RYR3: variants seen among roughly 807,000 people sequenced by gnomAD.
RYR3 encodes the protein brain ryanodine receptor-calcium release channel.
In RYR3, 207 loss-of-function variants were observed where a neutral mutation model predicts 584.3. The ratio of observed to expected loss-of-function variants is 0.35; its 90% CI spans 0.32 to 0.40. RYR3 has a LOEUF of 0.40. RYR3 is among the 10% of genes least tolerant of loss of function. RYR3 has a pLI of 1.00. For missense variants in RYR3, 5,616 were observed against 6,089.2 expected, an observed-to-expected ratio of 0.92 and a Z score of 2.59; for synonymous variants, 2,416 against 2,248.5, an observed-to-expected ratio of 1.07 and a Z score of -2.11.
intron 41 of RYR3, among the ~76,000 whole-genome samples, chr15:33,700,138 G>A (rs1158167708): frequency 6.6e-6 from 1 of 152,194 alleles, no homozygotes; most frequent in Non-Finnish European, 1.5e-5. Flanking sequence ...TGGGATTGCA[G>A]GTATAGTCTG....
At chr15:33,416,804 A>C (rs1014065967) in intron 1 of RYR3, among the ~76,000 whole-genome samples, 1 of 152,198 alleles carries the variant, frequency 6.6e-6, no homozygotes, top group African/African-American at 2.4e-5. Flanking sequence ...ATCTTCTTGT[A>C]GGATTTTTAT....
chr15:33,501,163 A>G (rs2051951388), intron 2 of RYR3, among the ~76,000 whole-genome samples: 1 of 152,182 alleles, frequency 6.6e-6, no homozygotes, highest in Non-Finnish European at 1.5e-5. Flanking sequence ...CATTCAAACC[A>G]GTAATGAAAT....
chr15:33,671,500 A>G (rs1461885221), intron 38 of RYR3, among the ~76,000 whole-genome samples: 2 of 152,134 alleles, frequency 1.3e-5, no homozygotes, highest in East Asian at 3.9e-4. Context: ...ACTTTGTCAG[A>G]ATATCTCTGA....
chr15:33,848,871 T>C (rs1408391270), intron 94 of RYR3, among the ~76,000 whole-genome samples: 1 of 141,930 alleles, frequency 7.0e-6, no homozygotes, highest in Non-Finnish European at 1.5e-5. Flanking sequence ...AGTCTCCCTT[T>C]GTTGCCCAGG....
chr15:33,813,704 A>G, intron 74 of RYR3, 125 bp downstream of exon 74: 1 of 776,516 alleles, frequency 1.3e-6, no homozygotes, highest in Non-Finnish European at 2.2e-6. Flanking sequence ...CTATGGAGCT[A>G]TTGCAGTCTG....
chr15:33,728,584 C>T (rs2068658091), intron 46 of RYR3, among the ~76,000 whole-genome samples: 1 of 152,156 alleles, frequency 6.6e-6, no homozygotes, highest in African/African-American at 2.4e-5. Flanking sequence ...AATATTTGCG[C>T]TATACTTACC....
chr15:33,599,371 G>A (rs1393859307), intron 16 of RYR3, among the ~76,000 whole-genome samples: 1 of 152,150 alleles, frequency 6.6e-6, no homozygotes, highest in African/African-American at 2.4e-5. Flanking sequence ...AAATCCTGAC[G>A]ACACGTGCCT....
Position 33,722,861 on chromosome 15 carries a change from C to T in RYR3, c.6766C>T (p.Leu2256Phe). The T allele has an allele frequency of 6.3e-7, 1 of 1,596,362 alleles. No homozygotes were observed. The highest frequency in any genetic ancestry group is 8.5e-7 in the Non-Finnish European group (1 of 1,172,944). Reference protein sequence around the residue: ...GAIKISENPALDLPSQGYKRE... With the variant: ...GAIKISENPAFDLPSQGYKRE... ...CATTAAGATCTCTGAGAACCCAGCG[C>T]TCGACCTCCCCTCTCAAGGATACAA... The change falls in exon 44 of 104, where the codon CTC becomes TTC. Residue 2256 changes from leucine to phenylalanine, a missense_variant. This residue lies in a region of RYR3 where 1,280 missense variants were observed against 1,426.2 expected (regional missense o/e 0.90). Coordinates refer to ENST00000634891, the MANE Select transcript of RYR3 (RefSeq NM_001036.6).
At chr15:33,818,799 C>G (rs942345202) in intron 76 of RYR3, 115 bp downstream of exon 76, 2 of 717,204 alleles carry the variant, frequency 2.8e-6, no homozygotes, top group Non-Finnish European at 4.7e-6. Context: ...TTTGAGCAGC[C>G]CTCCTTGCTG....
rs752228470 is a variant in RYR3, at chr15:33,628,495, A to G, written c.2599A>G (p.Lys867Glu). The change falls in exon 21 of 104, where the codon AAG becomes GAG. Residue 867 changes from lysine to glutamate, a missense_variant. Transcript: ENST00000634891. ...SQVILPPHLEKIRDRLAENIH... is the reference protein window; with the variant it reads ...SQVILPPHLEEIRDRLAENIH... ...GGTTATTTTGCCACCTCACCTAGAAAAGATCCGAGACAGACTAGCTGAAAA... is the reference window on the plus strand; with the variant it reads ...GGTTATTTTGCCACCTCACCTAGAAGAGATCCGAGACAGACTAGCTGAAAA... 3.4e-5 allele frequency: 55 copies of G among 1,613,220 alleles called. No individual in the cohort carries two copies. In the Admixed American group the frequency reaches 7.0e-4, roughly 21 times the overall value.
At chr15:33,590,277 T>C (rs950195568) in intron 16 of RYR3, among the ~76,000 whole-genome samples, 2 of 152,334 alleles carry the variant, frequency 1.3e-5, no homozygotes, top group South Asian at 4.1e-4. Flanking sequence ...TCTGGACATA[T>C]ACGTGCAGGT....
Position 33,748,463 on chromosome 15 carries a change from C to T in RYR3, c.8137-5C>T. ...AACCCAGTGACTCTGCCTTTGCTTT[C>T]CTAGGGCAACAGCTACAGTCCTGCT... On this transcript the variant is annotated splice_region_variant and splice_polypyrimidine_tract_variant and intron_variant, in intron 54 of 103. Transcript: ENST00000634891. 2 of 1,613,050 alleles carry T rather than the reference C, an allele frequency of 1.2e-6. No homozygotes were observed. The highest frequency in any genetic ancestry group is 1.7e-6 in the Non-Finnish European group (2 of 1,179,534).
intron 85 of RYR3, 124 bp downstream of exon 85, chr15:33,827,411 T>C: frequency 2.5e-6 from 2 of 803,648 alleles, no homozygotes; most frequent in East Asian, 5.4e-5. Flanking sequence ...CGTTGTAACG[T>C]GTATCCACAG....
intron 58 of RYR3, 96 bp from the exon 59 acceptor site, chr15:33,756,208 TTA>T: frequency 1.2e-6 from 1 of 819,148 alleles, no homozygotes; most frequent in East Asian, 2.7e-5. Flanking sequence ...GATAGCCTTT[TTA>T]AATAGCCTTT....
chr15:33,432,699 TAAAG>T lies in RYR3; in HGVS notation c.52-40719_52-40716del, dbSNP rs1299263775. Among the ~76,000 whole-genome samples the T allele has an allele frequency of 1.0e-2, 1,501 of 150,350 alleles. 27 individuals carry two copies. The highest frequency in any genetic ancestry group is 0.035 in the African/African-American group (1,404 of 40,596). ...GTGTGTGTGTGTGTGTGTGTGTGTT[TAAAG>T]TAGAGATGGGGTTTCACTATGTTGG... On this transcript the variant is annotated intron_variant, in intron 1 of 103. Coordinates refer to ENST00000634891, the MANE Select transcript of RYR3 (RefSeq NM_001036.6).
chr15:33,646,198 A>G, intron 28 of RYR3, 153 bp from the exon 29 acceptor site: 1 of 613,314 alleles, frequency 1.6e-6, no homozygotes, highest in Non-Finnish European at 2.8e-6. Flanking sequence ...AGGCCCAAGT[A>G]ATGATGAGAA....
chr15:33,376,603 C>G (rs1358318817), intron 1 of RYR3, among the ~76,000 whole-genome samples: 3 of 152,208 alleles, frequency 2.0e-5, no homozygotes, highest in Non-Finnish European at 2.9e-5. Flanking sequence ...TGAAGAGACA[C>G]AGTTGCGACT....
chr15:33,790,776 A>G (rs1387588597), intron 67 of RYR3, among the ~76,000 whole-genome samples: 1 of 152,204 alleles, frequency 6.6e-6, no homozygotes, highest in Non-Finnish European at 1.5e-5. Context: ...GAGACAGAAG[A>G]GTTCCTCAGT....
intron 3 of RYR3, among the ~76,000 whole-genome samples, chr15:33,525,984 A>G (rs1283223853): frequency 6.6e-6 from 1 of 152,162 alleles, no homozygotes; most frequent in Non-Finnish European, 1.5e-5. Context: ...ACCTCCTAGG[A>G]ATATGACCTT....
Sources: gnomAD v4.1 joint callset for allele counts (sites outside exome capture counted in the v4.1 genomes callset) on GRCh38, gnomAD v4.1.1 for gene constraint, gnomAD v4.1.1 regional missense constraint, MANE v1.5 for transcripts, NCBI Gene and HGNC (gene_info 2026-07-23, HGNC 2026-07-21) for gene names.